TANC1: variants seen among roughly 807,000 people sequenced by gnomAD.
The protein encoded by TANC1 is protein TANC1.
TANC1 carries 77 observed loss-of-function variants against 149.7 expected under a neutral mutation model. The observed-to-expected ratio is 0.51, with a 90% CI of 0.43 to 0.62. TANC1 has a LOEUF of 0.62. TANC1 is among the 20% of genes least tolerant of loss of function. The pLI is 0.00. For missense variants in TANC1, 1,985 were observed against 2,321.8 expected (o/e 0.85, Z 2.98); for synonymous variants, 854 against 925.0 (o/e 0.92, Z 1.39).
At chr2:159,147,541 A>G (rs2052273140) in intron 5 of TANC1, 2 of 152,378 alleles carry the variant, frequency 1.3e-5, no homozygotes, top group Non-Finnish European at 2.9e-5. Context: ...CTTGAGAATC[A>G]AAATGTGCTT....
intron 4 of TANC1, among the ~76,000 whole-genome samples, chr2:159,128,676 A>T (rs1476398781): frequency 6.6e-6 from 1 of 152,122 alleles, no homozygotes; most frequent in East Asian, 1.9e-4. Flanking sequence ...TGTTCCTGTT[A>T]TAAAGACTCC....
chr2:159,123,241 C>G (rs1266254341), intron 4 of TANC1, among the ~76,000 whole-genome samples: 1 of 151,992 alleles, frequency 6.6e-6, no homozygotes, highest in Non-Finnish European at 1.5e-5. Context: ...TGCTCCCTTC[C>G]GATGGTGATT....
chr2:159,038,388 C>T (rs907639700), intron 2 of TANC1, among the ~76,000 whole-genome samples: 2 of 150,926 alleles, frequency 1.3e-5, no homozygotes, highest in African/African-American at 2.4e-5. Flanking sequence ...TTCCAACACT[C>T]TTGAATAGGA....
Position 159,196,593 on chromosome 2 carries a change from T to G in TANC1, c.2980-15T>G. 1 of 1,589,152 alleles carries G rather than the reference T, an allele frequency of 6.3e-7. No homozygotes were observed. The highest frequency in any genetic ancestry group is 8.6e-7 in the Non-Finnish European group (1 of 1,164,088). On this transcript the variant is annotated splice_polypyrimidine_tract_variant and intron_variant, in intron 17 of 26. Coordinates refer to ENST00000263635, the MANE Select transcript of TANC1 (RefSeq NM_033394.3). The stretch of plus-strand genomic sequence containing the variant: ...GTAATGCTCAGCTGTAACCTTCCCC[T>G]ACTCCTGCCCCCAGGTGGACCACTT...
intron 8 of TANC1, among the ~76,000 whole-genome samples, chr2:159,164,455 G>A (rs536942621): frequency 3.3e-5 from 5 of 152,288 alleles, no homozygotes; most frequent in Admixed American, 2.6e-4. Context: ...AGGGGGCCCT[G>A]GAAGTGATCT....
At chr2:159,078,330 T>TTTTAGTAAGTGGTTTGGTAATAA (rs1360718556) in intron 3 of TANC1, among the ~76,000 whole-genome samples, 3 of 152,218 alleles carry the variant, frequency 2.0e-5, no homozygotes, top group African/African-American at 7.2e-5. Context: ...TATTTTAATA[T>TTTTAGTAAGTGGTTTGGTAATAA]TTTGGTAAGT....
intron 3 of TANC1, among the ~76,000 whole-genome samples, chr2:159,079,379 G>A (rs1372989758): frequency 1.7e-5 from 2 of 114,664 alleles, no homozygotes; most frequent in African/African-American, 7.1e-5. Context: ...AGTGTTTGCT[G>A]TGTTTCAGAC....
chr2:159,225,948 G>A (rs1032220878), intron 24 of TANC1, 169 bp downstream of exon 24: 15 of 658,482 alleles, frequency 2.3e-5, no homozygotes, highest in Non-Finnish European at 3.5e-5. Flanking sequence ...TTTGGAGGCC[G>A]AGGTGGGCAG....
rs184983492 is a variant in TANC1, at chr2:159,046,264, T to C, written c.-15-19632T>C. Among the ~76,000 whole-genome samples the C allele has an allele frequency of 5.9e-5, 9 of 152,352 alleles. No homozygotes were observed. The East Asian group carries it at 1.7e-3, about 29-fold the overall frequency. ...GCGTCTCTCTTTTGCAAATTCCTTT[T>C]CTGTGAAAGAAAACCTTGCAACACA... On this transcript the variant is annotated intron_variant, in intron 2 of 26. Coordinates refer to ENST00000263635, the MANE Select transcript of TANC1 (RefSeq NM_033394.3).
chr2:159,219,764 C>A lies in TANC1; in HGVS notation c.3575C>A (p.Ala1192Glu). 1 of 1,614,194 alleles carries A rather than the reference C, an allele frequency of 6.2e-7. No individual in the cohort carries two copies. Among genetic ancestry groups the A allele is most frequent in the African/African-American group, 1.3e-5 (1 of 75,048 alleles). The change falls in exon 22 of 27, where the codon GCA becomes GAA. Residue 1192 changes from alanine to glutamate, a missense_variant. By Grantham distance (107) the Ala-to-Glu change is moderately radical (BLOSUM62 -1). Around this residue, in one of 3 missense-constraint regions of TANC1, gnomAD observed 920 missense variants for 994.7 expected, o/e 0.92. Coordinates refer to ENST00000263635, the MANE Select transcript of TANC1 (RefSeq NM_033394.3). ...TGGGCTTGTCTGAAAGGTCACAGGG[C>A]AGTGGTCCAGTATCTGGTTGAAGAA... The part of the protein sequence containing the change: ...LSWACLKGHR[A>E]VVQYLVEEGA...
intron 2 of TANC1, among the ~76,000 whole-genome samples, chr2:159,003,730 C>T (rs2036840943): frequency 6.6e-6 from 1 of 152,176 alleles, no homozygotes; most frequent in South Asian, 2.1e-4. Context: ...GTTGGATCTG[C>T]TCCAGCTGCC....
intron 19 of TANC1, among the ~76,000 whole-genome samples, chr2:159,203,914 C>T (rs537242877): frequency 6.6e-6 from 1 of 152,210 alleles, no homozygotes; most frequent in Non-Finnish European, 1.5e-5. Flanking sequence ...TTCCCTGTCT[C>T]TTGTCCACAC....
intron 19 of TANC1, among the ~76,000 whole-genome samples, chr2:159,205,971 T>C (rs2058578433): frequency 6.6e-6 from 1 of 152,240 alleles, no homozygotes; most frequent in African/African-American, 2.4e-5. Context: ...CCTGAGCATC[T>C]CACCAGTACT....
At position 159,230,216 on chromosome 2, in the gene TANC1, T is replaced by C. The variant is rs2060265396; in HGVS notation, c.4790T>C (p.Phe1597Ser). 1 of 1,613,828 alleles carries C rather than the reference T, an allele frequency of 6.2e-7. No individual in the cohort carries two copies. Among genetic ancestry groups the C allele is most frequent in the Admixed American group, 1.7e-5 (1 of 60,008 alleles). Reference protein sequence around the residue: ...TFTTRAGCGHFGDRLGPSQNV... With the variant: ...TFTTRAGCGHSGDRLGPSQNV... Reference sequence around the variant, plus strand: ...ACTACAAGAGCTGGTTGTGGCCACTTTGGGGATCGGCTGGGCCCCAGCCAG... The same window carrying C: ...ACTACAAGAGCTGGTTGTGGCCACTCTGGGGATCGGCTGGGCCCCAGCCAG... The change falls in exon 27 of 27, where the codon TTT becomes TCT. Residue 1597 changes from phenylalanine to serine, a missense_variant. By Grantham distance (155) the Phe-to-Ser change is radical (BLOSUM62 -2). This residue lies in a region of TANC1 where 920 missense variants were observed against 994.7 expected (regional missense o/e 0.92). Coordinates refer to ENST00000263635, the MANE Select transcript of TANC1 (RefSeq NM_033394.3). This position sits in a 1 kb window ranked among gnomAD's most constrained non-coding sequence, Gnocchi z 4.4.
rs746443631 is a variant in TANC1 at position 159,230,130 on chromosome 2, G to A, written c.4704G>A (p.Gly1568=). 5.0e-6 allele frequency: 8 copies of A among 1,613,944 alleles called. No homozygotes were observed. Among genetic ancestry groups the A allele is most frequent in the Non-Finnish European group, 5.9e-6 (7 of 1,180,054 alleles). The part of the protein sequence containing the change: ...SQNPPPSPMP[G]RIAATPAGSR... The stretch of plus-strand genomic sequence containing the variant: ...ACCCTCCTCCAAGTCCCATGCCAGG[G>A]AGAATCGCTGCCACTCCTGCTGGGA... Residue 1568 remains glycine, a synonymous_variant, in exon 27 of 27, where the codon GGG becomes GGA. Transcript: ENST00000263635. This position sits in a 1 kb window ranked among gnomAD's most constrained non-coding sequence, Gnocchi z 4.4.
chr2:159,163,178 C>A, intron 7 of TANC1, 105 bp from the exon 8 acceptor site: 1 of 1,152,168 alleles, frequency 8.7e-7, no homozygotes, highest in Non-Finnish European at 1.2e-6. Flanking sequence ...TCTGTGTGGA[C>A]TGGAAAACTT....
rs73969413 is a variant in TANC1 at position 159,010,157 on chromosome 2, A to G, written c.-16+8968A>G. Reference sequence around the variant, plus strand: ...TGAAAGATGAGCTATGTAGGGAGCTAGTCTGGCAGTATTCAGCCCTGGAGT... The same window carrying G: ...TGAAAGATGAGCTATGTAGGGAGCTGGTCTGGCAGTATTCAGCCCTGGAGT... On this transcript the variant is annotated intron_variant, in intron 2 of 26. Coordinates refer to ENST00000263635, the MANE Select transcript of TANC1 (RefSeq NM_033394.3). 6.8e-3 allele frequency among the ~76,000 whole-genome samples: 1,033 copies of G among 152,286 alleles called. 6 individuals are homozygous for G. The highest frequency in any genetic ancestry group is 0.023 in the African/African-American group (965 of 41,542).
chr2:159,046,984 T>C (rs1221169361), intron 2 of TANC1, among the ~76,000 whole-genome samples: 3 of 152,170 alleles, frequency 2.0e-5, no homozygotes, highest in Admixed American at 6.5e-5. Flanking sequence ...CTTATGTTCC[T>C]GGTTCATCCT....
chr2:159,202,543 C>G (rs1402238451), intron 19 of TANC1, among the ~76,000 whole-genome samples: 2 of 152,132 alleles, frequency 1.3e-5, no homozygotes, highest in Non-Finnish European at 2.9e-5. Flanking sequence ...GAACTCAGTT[C>G]TGTCGTTCCA....
Sources: gnomAD v4.1 joint callset for allele counts (sites outside exome capture counted in the v4.1 genomes callset) on GRCh38, gnomAD v4.1.1 for gene constraint, gnomAD v4.1.1 regional missense constraint, Gnocchi (gnomAD v3.1) non-coding constraint, MANE v1.5 for transcripts, NCBI Gene and HGNC (gene_info 2026-07-23, HGNC 2026-07-21) for gene names.